TMEM243: variants seen among roughly 807,000 people sequenced by gnomAD.
TMEM243 encodes the protein MDR1 and mitochondrial taxol resistance associated.
TMEM243 carries 20 observed loss-of-function variants against 15.0 expected under a neutral mutation model. The observed-to-expected ratio is 1.33, with a 90% CI of 0.94 to 1.93. The LOEUF is 1.93. TMEM243 is among the 30% of genes most tolerant of loss of function. The pLI is 0.00. For missense variants in TMEM243, 156 were observed against 142.1 expected (o/e 1.10, Z -0.50); for synonymous variants, 72 against 52.7 (o/e 1.37, Z -1.59).
chr7:87,215,018 C>T (rs1330263976), intron 1 of TMEM243, among the ~76,000 whole-genome samples: 5 of 152,142 alleles, frequency 3.3e-5, no homozygotes, highest in African/African-American at 4.8e-5. Context: ...TGGAGCATTT[C>T]GGATTTTGGA....
intron 1 of TMEM243, among the ~76,000 whole-genome samples, chr7:87,202,000 T>G (rs1322821819): frequency 1.3e-5 from 2 of 152,216 alleles, no homozygotes; most frequent in African/African-American, 4.8e-5. Context: ...GGTTTAGAGA[T>G]AGTCTGAATT....
At chr7:87,218,980 T>C (rs1456480138) in intron 1 of TMEM243, among the ~76,000 whole-genome samples, 1 of 152,154 alleles carries the variant, frequency 6.6e-6, no homozygotes, top group Non-Finnish European at 1.5e-5. Flanking sequence ...CTTTCCTTGC[T>C]TGGCTGCTTC....
chr7:87,213,637 C>T (rs1300360487), intron 1 of TMEM243, among the ~76,000 whole-genome samples: 3 of 152,168 alleles, frequency 2.0e-5, no homozygotes, highest in Admixed American at 6.5e-5. Context: ...GATCCTTGTT[C>T]TTAAATAAGC....
At chr7:87,214,151 G>A (rs1031665558) in intron 1 of TMEM243, among the ~76,000 whole-genome samples, 1 of 152,036 alleles carries the variant, frequency 6.6e-6, no homozygotes, top group Non-Finnish European at 1.5e-5. Context: ...TTGCTTTCTC[G>A]AGAAAACCAT....
intron 2 of TMEM243, 35 bp from the exon 3 acceptor site, chr7:87,198,080 T>C (rs1225443028): frequency 6.4e-7 from 1 of 1,562,804 alleles, no homozygotes; most frequent in Non-Finnish European, 8.8e-7. Context: ...GCCTTAACAG[T>C]AATTCCAAGA....
At chr7:87,215,267 C>A (rs919770598) in intron 1 of TMEM243, among the ~76,000 whole-genome samples, 8 of 152,042 alleles carry the variant, frequency 5.3e-5, no homozygotes, top group African/African-American at 1.9e-4. Flanking sequence ...CCACCATGCC[C>A]AGCTAATTTT....
intron 1 of TMEM243, among the ~76,000 whole-genome samples, chr7:87,217,514 T>A (rs1169292560): frequency 6.6e-6 from 1 of 152,204 alleles, no homozygotes; most frequent in Non-Finnish European, 1.5e-5. Flanking sequence ...CTCTCTCAGA[T>A]GTGGCATCTC....
At chr7:87,202,669 A>G (rs73208541) in intron 1 of TMEM243, among the ~76,000 whole-genome samples, 5,692 of 152,330 alleles carry the variant, frequency 0.037, 128 homozygotes, top group East Asian at 0.065. Context: ...AATGCTGTTC[A>G]CAAAAGACAA....
chr7:87,198,185 TAATAC>T, intron 2 of TMEM243, 140 bp from the exon 3 acceptor site: 1 of 609,190 alleles, frequency 1.6e-6, no homozygotes, highest in South Asian at 2.3e-5. Flanking sequence ...TCTAGAATGT[TAATAC>T]AGTAATTATA....
At chr7:87,216,641 G>T (rs1169203541) in intron 1 of TMEM243, 1 of 152,096 alleles carries the variant, frequency 6.6e-6, no homozygotes, top group Non-Finnish European at 1.5e-5. Context: ...GGCAAAAAAA[G>T]TTCCTTCAGG....
chr7:87,209,667 A>AGACC (rs1562884933), intron 1 of TMEM243, among the ~76,000 whole-genome samples: 2 of 2,008 alleles, frequency 1.0e-3, no homozygotes, highest in African/African-American at 3.7e-3. Flanking sequence ...AGAGCGAGAG[A>AGACC]GAGCGAGAGC....
chr7:87,213,376 G>A (rs892388428), intron 1 of TMEM243, among the ~76,000 whole-genome samples: 3 of 152,236 alleles, frequency 2.0e-5, no homozygotes, highest in African/African-American at 7.2e-5. Flanking sequence ...TTGGCAGGCT[G>A]AATGAGAGGA....
intron 1 of TMEM243, among the ~76,000 whole-genome samples, chr7:87,212,422 G>A (rs902190271): frequency 1.3e-5 from 2 of 152,134 alleles, no homozygotes; most frequent in African/African-American, 4.8e-5. Context: ...CATAGCCTAT[G>A]AGCCAACTAT....
At chr7:87,215,664 A>T (rs1803054007) in intron 1 of TMEM243, among the ~76,000 whole-genome samples, 1 of 152,122 alleles carries the variant, frequency 6.6e-6, no homozygotes, top group African/African-American at 2.4e-5. Flanking sequence ...CATATTTTTC[A>T]CCTGAAAGAG....
At chr7:87,204,166 C>G (rs1026197195) in intron 1 of TMEM243, among the ~76,000 whole-genome samples, 1 of 152,130 alleles carries the variant, frequency 6.6e-6, no homozygotes, top group Non-Finnish European at 1.5e-5. Flanking sequence ...TTGTGAGACT[C>G]ATTCACTACT....
chr7:87,207,938 C>G (rs1346416868), intron 1 of TMEM243, among the ~76,000 whole-genome samples: 1 of 152,076 alleles, frequency 6.6e-6, no homozygotes, highest in East Asian at 1.9e-4. Flanking sequence ...GTGTACTCAG[C>G]CAGAGCTCAT....
At chr7:87,201,831 C>G (rs1366261930) in intron 1 of TMEM243, among the ~76,000 whole-genome samples, 1 of 152,214 alleles carries the variant, frequency 6.6e-6, no homozygotes, top group Non-Finnish European at 1.5e-5. Flanking sequence ...CATAACTTGT[C>G]TCTCCTACCA....
rs143964133 is a variant in TMEM243 at position 87,210,971 on chromosome 7, G to C, written c.78+8455C>G. Among the ~76,000 whole-genome samples the C allele has an allele frequency of 6.9e-4, 105 of 152,296 alleles. 1 individual carries two copies. Among genetic ancestry groups the C allele is most frequent in the African/African-American group, 2.3e-3 (97 of 41,556 alleles). On this transcript the variant is annotated intron_variant, in intron 1 of 3. Coordinates refer to ENST00000257637, the MANE Select transcript of TMEM243 (RefSeq NM_024315.4). ...TAAGCAACAGCTCAAGCTATATCTTGGCCCCTTTTAGCCACAGCTGGAGCT... is the reference window on the plus strand; with the variant it reads ...TAAGCAACAGCTCAAGCTATATCTTCGCCCCTTTTAGCCACAGCTGGAGCT...
chr7:87,199,132 T>C (rs1801602556), intron 1 of TMEM243, 75 bp from the exon 2 acceptor site: 2 of 1,229,252 alleles, frequency 1.6e-6, no homozygotes, highest in Non-Finnish European at 2.3e-6. Context: ...TGCAAGGCAT[T>C]TGGATGGTTT....
Sources: gnomAD v4.1 joint callset for allele counts (sites outside exome capture counted in the v4.1 genomes callset) on GRCh38, gnomAD v4.1.1 for gene constraint, MANE v1.5 for transcripts, NCBI Gene and HGNC (gene_info 2026-07-23, HGNC 2026-07-21) for gene names.